The following CRACD variants were observed in gnomAD, a reference collection of about 807,000 sequenced individuals.
CRACD encodes the protein capping protein inhibiting regulator of actin dynamics, also known as capping protein-inhibiting regulator of actin dynamics.
In CRACD, 56 loss-of-function variants were observed where a neutral mutation model predicts 106.8. That is an observed-to-expected ratio of 0.52 (90% CI 0.42 to 0.66). The LOEUF (loss-of-function observed/expected upper bound fraction) is 0.66. Among genes scored for constraint, CRACD ranks in the 30% least tolerant of loss-of-function variants. The probability of loss-of-function intolerance (pLI) is 0.00; values close to 1 mark genes in which losing one functional copy is unlikely to be tolerated. For missense variants in CRACD, 1,730 were observed against 1,623.2 expected (o/e 1.07, Z -1.13); for synonymous variants, 754 against 670.8 (o/e 1.12, Z -1.92).
chr4:56,080,911 A>G (rs1005634100), intron 1 of CRACD, among the ~76,000 whole-genome samples: 2 of 152,206 alleles, frequency 1.3e-5, no homozygotes, highest in African/African-American at 4.8e-5. Flanking sequence ...TAAAAACAAA[A>G]TTCTAAGTGG....
intron 1 of CRACD, among the ~76,000 whole-genome samples, chr4:56,055,427 T>C (rs529104270): frequency 7.0e-6 from 1 of 143,842 alleles, no homozygotes; most frequent in South Asian, 2.2e-4. Context: ...AGTCCCAAGA[T>C]CACCATTTGT....
At chr4:56,082,485 C>T (rs781412374) in intron 1 of CRACD, among the ~76,000 whole-genome samples, 5 of 152,122 alleles carry the variant, frequency 3.3e-5, no homozygotes, top group Non-Finnish European at 5.9e-5. Flanking sequence ...AAGGTGACTG[C>T]AGAAGAGATT....
intron 1 of CRACD, among the ~76,000 whole-genome samples, chr4:56,164,881 T>C (rs1181641667): frequency 2.6e-5 from 4 of 152,206 alleles, no homozygotes; most frequent in Non-Finnish European, 5.9e-5. Context: ...AAATTGCTCT[T>C]CAGGTTAAAT....
intron 1 of CRACD, among the ~76,000 whole-genome samples, chr4:56,126,137 C>T (rs1182336504): frequency 6.6e-6 from 1 of 152,080 alleles, no homozygotes; most frequent in African/African-American, 2.4e-5. Context: ...CAATTCCTGT[C>T]CACTTTTAAC....
At position 56,323,384 on chromosome 4, in the gene CRACD, G is replaced by A. The variant is rs760491575; in HGVS notation, c.3195G>A (p.Pro1065=). 9 of 1,595,448 alleles carry A rather than the reference G, an allele frequency of 5.6e-6. No individual in the cohort carries two copies. Among genetic ancestry groups the A allele is most frequent in the South Asian group, 1.1e-5 (1 of 87,234 alleles). The change falls in exon 9 of 11, where the codon CCG becomes CCA. Residue 1065 remains proline, a synonymous_variant. Transcript: ENST00000682029. The part of the protein sequence containing the change: ...QTPEAGRKEK[P]MLQSRHSLDG... Reference sequence around the variant, plus strand: ...TTGTCTTATTCCCCACAGAGAAGCCGATGCTTCAGAGCAGACACTCCTTAG... The same window carrying A: ...TTGTCTTATTCCCCACAGAGAAGCCAATGCTTCAGAGCAGACACTCCTTAG...
intron 2 of CRACD, among the ~76,000 whole-genome samples, chr4:56,210,737 C>G (rs1043477935): frequency 6.6e-5 from 10 of 152,170 alleles, no homozygotes; most frequent in Admixed American, 3.3e-4. Flanking sequence ...ATTTCTTTTA[C>G]AAAACGATTT....
At chr4:56,127,068 C>A (rs543383703) in intron 1 of CRACD, among the ~76,000 whole-genome samples, 2 of 152,050 alleles carry the variant, frequency 1.3e-5, no homozygotes, top group African/African-American at 4.8e-5. Flanking sequence ...GGAGGCGGAG[C>A]CCTCATGAGT....
chr4:56,145,695 T>A (rs1735355332), intron 1 of CRACD, among the ~76,000 whole-genome samples: 1 of 152,150 alleles, frequency 6.6e-6, no homozygotes, highest in African/African-American at 2.4e-5. Flanking sequence ...CACTGCAACC[T>A]CCATCTCCCA....
At chr4:56,313,843 C>T (rs1016949518) in intron 7 of CRACD, among the ~76,000 whole-genome samples, 197 bp from the exon 8 acceptor site, 4 of 152,096 alleles carry the variant, frequency 2.6e-5, no homozygotes, top group African/African-American at 9.7e-5. Flanking sequence ...ACAGAATACA[C>T]GTCCTTTTCT....
intron 1 of CRACD, among the ~76,000 whole-genome samples, chr4:56,118,549 G>T (rs1278565448): frequency 6.6e-6 from 1 of 152,314 alleles, no homozygotes; most frequent in East Asian, 1.9e-4. Flanking sequence ...TGCAATGGAT[G>T]ATTAGGAAGC....
intron 1 of CRACD, among the ~76,000 whole-genome samples, chr4:56,115,872 C>T (rs1734258539): frequency 6.6e-6 from 1 of 152,178 alleles, no homozygotes; most frequent in African/African-American, 2.4e-5. Flanking sequence ...CTCTGTTAGT[C>T]TGGTCAGCAT....
intron 2 of CRACD, among the ~76,000 whole-genome samples, chr4:56,265,952 C>T (rs1741998603): frequency 1.3e-5 from 2 of 152,026 alleles, no homozygotes; most frequent in African/African-American, 4.8e-5. Flanking sequence ...TGCTTGACTT[C>T]CCTAGTGATT....
intron 1 of CRACD, among the ~76,000 whole-genome samples, chr4:56,111,473 AAAAGT>A (rs1734119711): frequency 1.3e-5 from 2 of 152,228 alleles, no homozygotes; most frequent in Non-Finnish European, 2.9e-5. Flanking sequence ...ATACATATAA[AAAAGT>A]AAAGTAAGTA....
At position 56,155,369 on chromosome 4, in the gene CRACD, A is replaced by C. The variant is rs118163230; in HGVS notation, c.-335-23915A>C. ...ACCTCATTGTCAATGGGTGGACGTA[A>C]ATAATTCTCTTGTAGGATCCTGCAA... On this transcript the variant is annotated intron_variant, in intron 1 of 10. Coordinates refer to ENST00000682029, the MANE Select transcript of CRACD (RefSeq NM_001393381.1). 5.2e-3 allele frequency among the ~76,000 whole-genome samples: 792 copies of C among 152,270 alleles called. 43 individuals are homozygous for C. In the East Asian group the frequency reaches 0.12, roughly 23 times the overall value.
intron 1 of CRACD, among the ~76,000 whole-genome samples, chr4:56,067,209 A>G (rs74600674): frequency 0.024 from 3,621 of 152,256 alleles, 67 homozygotes; most frequent in Middle Eastern, 0.088. Context: ...AAAATAAGAC[A>G]AAACTAAGAT....
intron 1 of CRACD, among the ~76,000 whole-genome samples, chr4:56,114,492 A>G (rs1734217682): frequency 6.6e-6 from 1 of 152,098 alleles, no homozygotes; most frequent in Non-Finnish European, 1.5e-5. Context: ...TAGCTTTTCA[A>G]CATCTATAGG....
At chr4:56,154,291 A>AC (rs11384426) in intron 1 of CRACD, among the ~76,000 whole-genome samples, 64,420 of 151,732 alleles carry the variant, frequency 0.42, 14,125 homozygotes, top group African/African-American at 0.52. Context: ...ACATGGCGAA[A>AC]CCCGTGTCTA....
rs565161484 is a variant in CRACD, at chr4:56,158,069, G to A, written c.-335-21215G>A. Among the ~76,000 whole-genome samples, 6 of 152,238 alleles carry A rather than the reference G, an allele frequency of 3.9e-5. No individual in the cohort carries two copies. The South Asian group carries it at 1.2e-3, about 32-fold the overall frequency. On this transcript the variant is annotated intron_variant, in intron 1 of 10. Transcript: ENST00000682029. Reference sequence around the variant, plus strand: ...CTATGTCAAATCCATGAAGAATGAGGCAAATTATAAATAAATACATATGCA... The same window carrying A: ...CTATGTCAAATCCATGAAGAATGAGACAAATTATAAATAAATACATATGCA...
chr4:56,148,268 T>C (rs1361495782), intron 1 of CRACD, among the ~76,000 whole-genome samples: 1 of 72,424 alleles, frequency 1.4e-5, no homozygotes, highest in African/African-American at 9.3e-5. Context: ...ATTGTGCTTT[T>C]GTTGTTTTTT....
Sources: allele counts gnomAD v4.1 joint callset (sites outside exome capture counted in the v4.1 genomes callset), GRCh38; gene constraint gnomAD v4.1.1; transcripts MANE v1.5; gene names NCBI Gene and HGNC (gene_info 2026-07-23, HGNC 2026-07-21).